Variants in DGKB observed in about 807,000 individuals in gnomAD.
DGKB encodes diacylglycerol kinase beta.
Under a neutral mutation model 114.3 loss-of-function variants are expected in DGKB, and 67 were observed. The observed-to-expected ratio is 0.59, with a 90% CI of 0.48 to 0.72. The LOEUF (loss-of-function observed/expected upper bound fraction) is 0.72. DGKB is among the 30% of genes least tolerant of loss of function. The pLI is 0.00. For missense variants in DGKB, 907 were observed against 975.2 expected (o/e 0.93, Z 0.93); for synonymous variants, 398 against 323.1 (o/e 1.23, Z -2.49).
intron 23 of DGKB, among the ~76,000 whole-genome samples, chr7:14,260,381 G>GAA (rs1796592670): frequency 6.6e-6 from 1 of 152,068 alleles, no homozygotes; most frequent in Admixed American, 6.6e-5. Context: ...ATTTTACTAA[G>GAA]AAAAAGTGAA....
chr7:14,220,201 T>C lies in DGKB; in HGVS notation c.2123-42050A>G, dbSNP rs553995775. Among the ~76,000 whole-genome samples the C allele has an allele frequency of 1.4e-4, 21 of 151,750 alleles. No individual in the cohort carries two copies. In the East Asian group the frequency reaches 3.3e-3, roughly 24 times the overall value. On this transcript the variant is annotated intron_variant, in intron 23 of 25. Coordinates refer to ENST00000402815, the MANE Select transcript of DGKB (RefSeq NM_001350709.2). Reference sequence around the variant, plus strand: ...CTCTGTATGTAAGCATGTCAAAACATAGAAGAGGTACAGTAAAATTAAGTT... The same window carrying C: ...CTCTGTATGTAAGCATGTCAAAACACAGAAGAGGTACAGTAAAATTAAGTT...
intron 17 of DGKB, among the ~76,000 whole-genome samples, chr7:14,597,355 C>G (rs1159740641): frequency 1.3e-5 from 2 of 152,096 alleles, no homozygotes; most frequent in Admixed American, 1.3e-4. Flanking sequence ...CAACAAACAT[C>G]TGCCATTTTC....
chr7:14,801,686 T>C (rs1842163723), intron 2 of DGKB, among the ~76,000 whole-genome samples: 2 of 151,998 alleles, frequency 1.3e-5, no homozygotes, highest in African/African-American at 4.8e-5. Flanking sequence ...TCTCAGGATT[T>C]TGAACTGGAT....
At chr7:14,729,158 T>C (rs1237175465) in intron 5 of DGKB, among the ~76,000 whole-genome samples, 1 of 141,016 alleles carries the variant, frequency 7.1e-6, no homozygotes, top group Non-Finnish European at 1.5e-5. Context: ...AGTCTCACTC[T>C]GTTGCCCAGG....
chr7:14,176,525 T>C (rs1781761324), intron 25 of DGKB: 1 of 1,039,172 alleles, frequency 9.6e-7, no homozygotes, highest in African/African-American at 1.7e-5. Context: ...CAAAAAAGTT[T>C]CAGATAAACT....
At chr7:14,617,944 A>G (rs1327957869) in intron 15 of DGKB, among the ~76,000 whole-genome samples, 1 of 151,594 alleles carries the variant, frequency 6.6e-6, no homozygotes. Flanking sequence ...CTCTATTTTT[A>G]CATCATTTAT....
intron 4 of DGKB, among the ~76,000 whole-genome samples, chr7:14,747,206 T>C (rs911942902): frequency 6.7e-6 from 1 of 150,306 alleles, no homozygotes; most frequent in Admixed American, 6.6e-5. Flanking sequence ...TTTTTTTTTT[T>C]TCCTAAGAGA....
At chr7:14,431,014 T>C (rs533507840) in intron 21 of DGKB, among the ~76,000 whole-genome samples, 1 of 152,302 alleles carries the variant, frequency 6.6e-6, no homozygotes, top group East Asian at 1.9e-4. Flanking sequence ...GCCTGTTTTC[T>C]TGCCTTCTTG....
intron 21 of DGKB, among the ~76,000 whole-genome samples, chr7:14,398,552 AG>A (rs1249992679): frequency 1.3e-5 from 2 of 152,050 alleles, no homozygotes; most frequent in African/African-American, 4.8e-5. Context: ...GGATGTGTGA[AG>A]GCAAAATCTT....
intron 1 of DGKB, among the ~76,000 whole-genome samples, chr7:14,962,835 T>C (rs1379881678): frequency 6.6e-6 from 1 of 152,158 alleles, no homozygotes; most frequent in Non-Finnish European, 1.5e-5. Flanking sequence ...TATTATATGA[T>C]TCAGGATTCT....
At chr7:14,639,378 G>A (rs1249683776) in intron 13 of DGKB, among the ~76,000 whole-genome samples, 2 of 152,222 alleles carry the variant, frequency 1.3e-5, no homozygotes, top group Non-Finnish European at 2.9e-5. Flanking sequence ...ACACTGTAGA[G>A]CATTCAAAAC....
intron 23 of DGKB, among the ~76,000 whole-genome samples, chr7:14,328,692 T>C (rs895817996): frequency 3.9e-5 from 6 of 152,034 alleles, no homozygotes; most frequent in Admixed American, 2.6e-4. Flanking sequence ...TATTATGGGA[T>C]AATTAAAATA....
At chr7:14,250,674 G>A (rs1316772719) in intron 23 of DGKB, among the ~76,000 whole-genome samples, 3 of 152,114 alleles carry the variant, frequency 2.0e-5, no homozygotes, top group Non-Finnish European at 2.9e-5. Context: ...CAGTAGTGTT[G>A]TAGAAGCCCA....
chr7:14,486,418 G>A (rs1275121277), intron 20 of DGKB, among the ~76,000 whole-genome samples: 1 of 152,210 alleles, frequency 6.6e-6, no homozygotes, highest in Admixed American at 6.5e-5. Context: ...TATGTCCAAA[G>A]GGACAATGTG....
intron 1 of DGKB, among the ~76,000 whole-genome samples, chr7:14,892,222 T>A (rs1781353902): frequency 6.6e-6 from 1 of 151,230 alleles, no homozygotes; most frequent in Non-Finnish European, 1.5e-5. Flanking sequence ...AAGTTCCAGG[T>A]AATACCAAGA....
intron 2 of DGKB, among the ~76,000 whole-genome samples, chr7:14,766,710 G>T (rs1353083110): frequency 6.6e-6 from 1 of 151,832 alleles, no homozygotes; most frequent in East Asian, 1.9e-4. Context: ...CATGTATAGT[G>T]ATTGTAGATA....
intron 21 of DGKB, among the ~76,000 whole-genome samples, chr7:14,358,633 A>T (rs891819806): frequency 6.6e-6 from 1 of 152,166 alleles, no homozygotes; most frequent in Non-Finnish European, 1.5e-5. Context: ...AATGCACAAA[A>T]ATCACAAGCA....
intron 20 of DGKB, among the ~76,000 whole-genome samples, chr7:14,559,368 G>T (rs1796322278): frequency 6.6e-6 from 1 of 152,048 alleles, no homozygotes; most frequent in Non-Finnish European, 1.5e-5. Flanking sequence ...ACATCATTTT[G>T]GAGGAAGGGG....
chr7:14,253,472 A>C (rs1795537657), intron 23 of DGKB, among the ~76,000 whole-genome samples: 1 of 152,162 alleles, frequency 6.6e-6, no homozygotes, highest in African/African-American at 2.4e-5. Flanking sequence ...TATTAGCACT[A>C]TATTGTCTAA....
Sources: gnomAD v4.1 joint callset for allele counts (sites outside exome capture counted in the v4.1 genomes callset) on GRCh38, gnomAD v4.1.1 for gene constraint, MANE v1.5 for transcripts, NCBI Gene and HGNC (gene_info 2026-07-23, HGNC 2026-07-21) for gene names.